GRIP1: variants seen among roughly 807,000 people sequenced by gnomAD.
GRIP1 encodes the protein glutamate receptor interacting protein 1.
A neutral mutation model predicts 129.9 loss-of-function variants in GRIP1; 45 were observed. The observed-to-expected ratio is 0.35, with a 90% CI of 0.27 to 0.44. GRIP1 has a LOEUF of 0.44. GRIP1 is among the 20% of genes least tolerant of loss of function. The pLI is 1.00. For missense variants in GRIP1, 1,196 were observed against 1,396.8 expected (o/e 0.86, Z 2.29); for synonymous variants, 530 against 520.8 (o/e 1.02, Z -0.24).
chr12:66,509,103 C>T (rs1411183902), intron 7 of GRIP1, among the ~76,000 whole-genome samples: 1 of 152,066 alleles, frequency 6.6e-6, no homozygotes, highest in Non-Finnish European at 1.5e-5. Flanking sequence ...ATAAGTATTC[C>T]GATGAACTTA....
intron 1 of GRIP1, among the ~76,000 whole-genome samples, chr12:66,783,975 GT>G (rs2038238085): frequency 1.3e-5 from 2 of 151,996 alleles, no homozygotes; most frequent in Non-Finnish European, 1.5e-5. Flanking sequence ...CATTCATATT[GT>G]AAGACTATCA....
At chr12:66,636,749 G>A (rs1167399029) in intron 1 of GRIP1, among the ~76,000 whole-genome samples, 1 of 138,312 alleles carries the variant, frequency 7.2e-6, no homozygotes, top group Non-Finnish European at 1.6e-5. Flanking sequence ...GTGTGTGTGT[G>A]TGTGTCTCAC....
At position 66,908,293 on chromosome 12, in the gene GRIP1, G is replaced by A. The variant is rs544590846; in HGVS notation, c.58+160757C>T. ...AAGACCAGGCAGAGTGTGGGTGGCA[G>A]GCTGAAAGTCAATGACAATCTGATG... On this transcript the variant is annotated intron_variant, in intron 1 of 1. Transcript: ENST00000643019. Among the ~76,000 whole-genome samples the A allele has an allele frequency of 1.2e-3, 190 of 152,270 alleles. 2 individuals carry two copies. The highest frequency in any genetic ancestry group is 4.4e-3 in the African/African-American group (182 of 41,556).
intron 7 of GRIP1, among the ~76,000 whole-genome samples, chr12:66,475,340 A>T (rs10878432): frequency 0.35 from 52,690 of 152,028 alleles, 9,606 homozygotes; most frequent in Non-Finnish European, 0.41. Flanking sequence ...AAGTCCTTAG[A>T]GACCTACAAA....
chr12:67,014,684 C>T (rs975844356), intron 1 of GRIP1, among the ~76,000 whole-genome samples: 1 of 151,980 alleles, frequency 6.6e-6, no homozygotes, highest in African/African-American at 2.4e-5. Context: ...TCAAAATACA[C>T]ATTCACATGG....
At chr12:66,837,822 T>C (rs1175973235) in intron 1 of GRIP1, among the ~76,000 whole-genome samples, 7 of 152,060 alleles carry the variant, frequency 4.6e-5, no homozygotes, top group Non-Finnish European at 2.9e-5. Flanking sequence ...GTTTAAGTCT[T>C]AGTAACAGAA....
chr12:66,734,963 C>G (rs1457235709), intron 1 of GRIP1, among the ~76,000 whole-genome samples: 3 of 152,226 alleles, frequency 2.0e-5, no homozygotes, highest in Admixed American at 2.0e-4. Flanking sequence ...ATTTATTGAG[C>G]ATGAAGTGTG....
chr12:66,837,115 G>A (rs2039628153), intron 1 of GRIP1, among the ~76,000 whole-genome samples: 1 of 152,096 alleles, frequency 6.6e-6, no homozygotes, highest in Admixed American at 6.5e-5. Flanking sequence ...ACTGCTCATG[G>A]CTTTTCTCTT....
chr12:66,824,138 G>A (rs1363706617), intron 1 of GRIP1, among the ~76,000 whole-genome samples: 1 of 152,142 alleles, frequency 6.6e-6, no homozygotes, highest in African/African-American at 2.4e-5. Flanking sequence ...AGTCTGCCAG[G>A]ATTTTTGAAA....
chr12:66,871,196 C>T (rs764723140), intron 1 of GRIP1, among the ~76,000 whole-genome samples: 5 of 152,182 alleles, frequency 3.3e-5, no homozygotes, highest in Non-Finnish European at 7.4e-5. Flanking sequence ...GGAATGCAGA[C>T]TGTTGAAGGA....
rs762131350 is a variant in GRIP1 at position 66,392,790 on chromosome 12, C to A, written c.2156G>T (p.Arg719Leu). The change falls in exon 18 of 25, where the codon CGA becomes CTA. Residue 719 changes from arginine (R) to leucine (L), a missense_variant. Physicochemically the swap from Arg to Leu is moderately radical, Grantham distance 102. This residue lies in a region of GRIP1 where 28 missense variants were observed against 78.1 expected (regional missense o/e 0.36). Transcript: ENST00000359742. ...GCTGCTGCTATTGATGGCTAGGATT[C>A]GGTCTCCTATGTGGATTGCGCCAGT... ...ERTGAIHIGD[R>L]ILAINSSSLK... The A allele has an allele frequency of 1.2e-6, 2 of 1,614,078 alleles. No homozygotes were observed. Among genetic ancestry groups the A allele is most frequent in the Admixed American group, 1.7e-5 (1 of 60,020 alleles).
intron 1 of GRIP1, among the ~76,000 whole-genome samples, chr12:66,979,753 A>C (rs1438456275): frequency 6.6e-6 from 1 of 152,150 alleles, no homozygotes; most frequent in South Asian, 2.1e-4. Flanking sequence ...AAGGAAAATG[A>C]CATACGAAAA....
chr12:66,485,596 G>T (rs2059932112), intron 7 of GRIP1, among the ~76,000 whole-genome samples: 1 of 151,630 alleles, frequency 6.6e-6, no homozygotes, highest in Admixed American at 6.6e-5. Flanking sequence ...TTATATTATG[G>T]TTATACTTTA....
intron 1 of GRIP1, among the ~76,000 whole-genome samples, chr12:66,747,257 C>T (rs1309426877): frequency 6.6e-6 from 1 of 152,094 alleles, no homozygotes; most frequent in East Asian, 1.9e-4. Flanking sequence ...GATTCCTTGG[C>T]TGTATAAACT....
rs554045141 is a variant in GRIP1 at position 66,602,997 on chromosome 12, G to T, written c.56-6070C>A. 2.0e-5 allele frequency among the ~76,000 whole-genome samples: 3 copies of T among 150,844 alleles called. No individual in the cohort carries two copies. The East Asian group carries it at 5.9e-4, about 30-fold the overall frequency. Reference sequence around the variant, plus strand: ...CCTCAGCCTCTGAGCAGCTGGGATTGCAGGTGCATGCCACCAAGCCTGACT... The same window carrying T: ...CCTCAGCCTCTGAGCAGCTGGGATTTCAGGTGCATGCCACCAAGCCTGACT... On this transcript the variant is annotated intron_variant, in intron 1 of 24. Coordinates refer to ENST00000359742, the MANE Select transcript of GRIP1 (RefSeq NM_001366722.1).
intron 1 of GRIP1, among the ~76,000 whole-genome samples, chr12:67,014,434 G>A (rs1284754751): frequency 1.3e-5 from 2 of 152,100 alleles, no homozygotes; most frequent in Non-Finnish European, 2.9e-5. Context: ...CAGAAAACAA[G>A]AATATGTAGA....
intron 1 of GRIP1, among the ~76,000 whole-genome samples, chr12:66,843,363 G>A (rs2039755145): frequency 6.6e-6 from 1 of 152,010 alleles, no homozygotes; most frequent in South Asian, 2.1e-4. Context: ...GAATGTGAGG[G>A]TTTATTTAGG....
At chr12:67,056,265 G>T (rs2043434217) in intron 1 of GRIP1, among the ~76,000 whole-genome samples, 1 of 152,190 alleles carries the variant, frequency 6.6e-6, no homozygotes, top group Non-Finnish European at 1.5e-5. Flanking sequence ...TCTATTGCAT[G>T]ATGTCTGGAG....
chr12:66,746,937 G>A (rs190333224), intron 1 of GRIP1, among the ~76,000 whole-genome samples: 1 of 152,314 alleles, frequency 6.6e-6, no homozygotes, highest in East Asian at 1.9e-4. Flanking sequence ...TAAATTGTTA[G>A]AATCCATTTA....
Sources: allele counts gnomAD v4.1 joint callset (sites outside exome capture counted in the v4.1 genomes callset), GRCh38; gene constraint gnomAD v4.1.1; regional missense constraint gnomAD v4.1.1; transcripts MANE v1.5; gene names NCBI Gene and HGNC (gene_info 2026-07-23, HGNC 2026-07-21).